The following XPNPEP1 variants were observed in gnomAD, a reference collection of about 807,000 sequenced individuals.
The protein encoded by XPNPEP1 is X-prolyl aminopeptidase 1.
In XPNPEP1, 39 loss-of-function variants were observed where a neutral mutation model predicts 92.4. The observed-to-expected ratio is 0.42, with a 90% CI of 0.33 to 0.55. The LOEUF (loss-of-function observed/expected upper bound fraction) is 0.55. Among genes scored for constraint, XPNPEP1 ranks in the 20% least tolerant of loss-of-function variants. XPNPEP1 has a pLI of 0.08. For missense variants in XPNPEP1, 654 were observed against 856.1 expected, an observed-to-expected ratio of 0.76 and a Z score of 2.95; for synonymous variants, 307 against 299.4, an observed-to-expected ratio of 1.03 and a Z score of -0.26.
At chr10:109,888,006 G>A (rs762424788) in intron 7 of XPNPEP1, 43 bp downstream of exon 7, 9 of 1,607,130 alleles carry the variant, frequency 5.6e-6, no homozygotes, top group Middle Eastern at 1.8e-4. Context: ...GAGGTGGGGG[G>A]ACAATGGCAG....
At chr10:109,918,644 C>A (rs1381159090) in intron 1 of XPNPEP1, among the ~76,000 whole-genome samples, 3 of 151,902 alleles carry the variant, frequency 2.0e-5, no homozygotes, top group Admixed American at 2.0e-4. Context: ...GCATGTAGTC[C>A]CAGCTACTCG....
At chr10:109,895,296 G>A (rs1372012080) in intron 3 of XPNPEP1, among the ~76,000 whole-genome samples, 1 of 152,164 alleles carries the variant, frequency 6.6e-6, no homozygotes, top group African/African-American at 2.4e-5. Flanking sequence ...GAGCCCGGCT[G>A]GACTCTTCCA....
chr10:109,890,548 CTT>C (rs1848638572), intron 5 of XPNPEP1, among the ~76,000 whole-genome samples: 1 of 111,774 alleles, frequency 8.9e-6, no homozygotes, highest in African/African-American at 3.8e-5. Context: ...AAATGCCTGC[CTT>C]TGTGTGTGTG....
intron 3 of XPNPEP1, among the ~76,000 whole-genome samples, chr10:109,897,438 G>A (rs1849044614): frequency 6.6e-6 from 1 of 152,102 alleles, no homozygotes; most frequent in Admixed American, 6.6e-5. Context: ...GACAAATAAT[G>A]TTAGCTAAGA....
At position 109,865,267 on chromosome 10, in the gene XPNPEP1, C is replaced by A; in HGVS notation, c.1918G>T (p.Gly640Trp). 6.2e-7 allele frequency: 1 copy of A among 1,614,180 alleles called. No homozygotes were observed. Among genetic ancestry groups the A allele is most frequent in the African/African-American group, 1.3e-5 (1 of 75,052 alleles). ...NYHLTCRDVIGKELQKQGRQE... is the reference protein window; with the variant it reads ...NYHLTCRDVIWKELQKQGRQE... Reference sequence around the variant, plus strand: ...CGGCCCTGTTTCTGCAATTCCTTCCCAATCACATCCCTGCAGGTCAGGTGG... The same window carrying A: ...CGGCCCTGTTTCTGCAATTCCTTCCAAATCACATCCCTGCAGGTCAGGTGG... The change falls in exon 21 of 21, where the codon GGG (glycine) becomes TGG (tryptophan). Residue 640 changes from glycine (G) to tryptophan (W), a missense_variant. By Grantham distance (184) the Gly-to-Trp change is radical. Coordinates refer to ENST00000502935, the MANE Select transcript of XPNPEP1 (RefSeq NM_020383.4).
chr10:109,880,472 C>A (rs1848030083), intron 11 of XPNPEP1, among the ~76,000 whole-genome samples: 1 of 152,134 alleles, frequency 6.6e-6, no homozygotes, highest in Non-Finnish European at 1.5e-5. Flanking sequence ...AAGGGCCCCA[C>A]CTCAGAGCAC....
intron 7 of XPNPEP1, 104 bp downstream of exon 7, chr10:109,887,945 T>C (rs1848483789): frequency 6.7e-7 from 1 of 1,492,080 alleles, no homozygotes; most frequent in African/African-American, 1.4e-5. Context: ...AATCCTCCTG[T>C]CAGCTCCAAC....
chr10:109,869,817 A>T, intron 19 of XPNPEP1, 136 bp downstream of exon 19: 2 of 803,532 alleles, frequency 2.5e-6, no homozygotes, highest in Non-Finnish European at 4.0e-6. Context: ...CAAAGACATT[A>T]AGTCTTCATC....
intron 3 of XPNPEP1, among the ~76,000 whole-genome samples, chr10:109,903,181 T>A (rs1255127011): frequency 6.6e-6 from 1 of 152,038 alleles, no homozygotes; most frequent in Non-Finnish European, 1.5e-5. Context: ...AAACTGAAAT[T>A]GAAATACAAA....
At chr10:109,887,425 C>T (rs562642633) in intron 7 of XPNPEP1, among the ~76,000 whole-genome samples, 1 of 152,270 alleles carries the variant, frequency 6.6e-6, no homozygotes, top group East Asian at 1.9e-4. Context: ...CTTCCCAGGA[C>T]CCCTCTGGGC....
chr10:109,875,727 G>A (rs1380027491), intron 14 of XPNPEP1, 128 bp from the exon 15 acceptor site: 1 of 678,688 alleles, frequency 1.5e-6, no homozygotes, highest in Non-Finnish European at 2.4e-6. Flanking sequence ...TATCAAAATA[G>A]AAAGTTATGC....
At chr10:109,870,962 T>C in intron 17 of XPNPEP1, 58 bp from the exon 18 acceptor site, 1 of 1,555,644 alleles carries the variant, frequency 6.4e-7, no homozygotes, top group East Asian at 2.3e-5. Flanking sequence ...AGATTAAATT[T>C]ATTATGTGTG....
At chr10:109,906,491 A>G (rs184701654) in intron 3 of XPNPEP1, among the ~76,000 whole-genome samples, 1 of 152,280 alleles carries the variant, frequency 6.6e-6, no homozygotes, top group Non-Finnish European at 1.5e-5. Context: ...ATGTTCCACA[A>G]GACACCCTAT....
chr10:109,908,137 A>C (rs1177780767), intron 2 of XPNPEP1, among the ~76,000 whole-genome samples: 2 of 152,366 alleles, frequency 1.3e-5, no homozygotes, highest in South Asian at 4.1e-4. Context: ...TTAGGTGTTT[A>C]TCTTTGTTTA....
At chr10:109,880,036 T>C in intron 12 of XPNPEP1, 152 bp downstream of exon 12, 1 of 633,436 alleles carries the variant, frequency 1.6e-6, no homozygotes, top group South Asian at 2.7e-5. Context: ...ACACCAAATT[T>C]CCAGAGAGAA....
intron 3 of XPNPEP1, among the ~76,000 whole-genome samples, chr10:109,900,124 C>A (rs963480543): frequency 1.3e-5 from 2 of 152,174 alleles, no homozygotes; most frequent in East Asian, 1.9e-4. Flanking sequence ...CAAGTCCTTG[C>A]GTAATTATGC....
At chr10:109,872,979 G>A (rs1275033738) in intron 16 of XPNPEP1, among the ~76,000 whole-genome samples, 1 of 152,152 alleles carries the variant, frequency 6.6e-6, no homozygotes, top group Non-Finnish European at 1.5e-5. Context: ...TTTCCAGAGA[G>A]TTAAGCCTGT....
At chr10:109,878,172 G>T in intron 12 of XPNPEP1, 114 bp from the exon 13 acceptor site, 1 of 1,170,134 alleles carries the variant, frequency 8.5e-7, no homozygotes, top group Admixed American at 1.8e-5. Context: ...CATCCCAACT[G>T]ACCAATCTAC....
At chr10:109,882,881 G>A (rs888099758) in intron 9 of XPNPEP1, among the ~76,000 whole-genome samples, 4 of 151,938 alleles carry the variant, frequency 2.6e-5, no homozygotes, top group Non-Finnish European at 5.9e-5. Context: ...CCCTCTTCCC[G>A]TCCTTCATTA....
Sources: gnomAD v4.1 joint callset for allele counts (sites outside exome capture counted in the v4.1 genomes callset) on GRCh38, gnomAD v4.1.1 for gene constraint, MANE v1.5 for transcripts, NCBI Gene and HGNC (gene_info 2026-07-23, HGNC 2026-07-21) for gene names.